The following NAV1 variants were observed in gnomAD, a reference collection of about 807,000 sequenced individuals.
NAV1 encodes the protein neuron navigator 1.
NAV1 carries 18 observed loss-of-function variants against 175.2 expected under a neutral mutation model. That is an observed-to-expected ratio of 0.10 (90% CI 0.07 to 0.15). The LOEUF (loss-of-function observed/expected upper bound fraction) is 0.15. NAV1 is among the 10% of genes least tolerant of loss of function. The pLI is 1.00. For synonymous variants in NAV1, 897 were observed against 978.7 expected (o/e 0.92, Z 1.56); for missense variants, 1,731 against 2,436.6 (o/e 0.71, Z 6.10).
chr1:201,819,797 G>A (rs749136198), intron 29 of NAV1, 40 bp from the exon 34 acceptor site: 1 of 1,574,938 alleles, frequency 6.3e-7, no homozygotes, highest in Non-Finnish European at 8.7e-7. Flanking sequence ...AGGACCCAGA[G>A]TCCCAACTCT....
chr1:201,803,789 T>C, intron 16 of NAV1, 75 bp downstream of exon 20: 1 of 1,552,890 alleles, frequency 6.4e-7, no homozygotes, highest in East Asian at 2.3e-5. Context: ...AGGGATCGAA[T>C]CCTTCCAGGA....
intron 1 of NAV1, among the ~76,000 whole-genome samples, chr1:201,702,278 G>A (rs1375583421): frequency 1.3e-5 from 2 of 152,204 alleles, no homozygotes; most frequent in African/African-American, 4.8e-5. Context: ...TTATTGGAAT[G>A]ATAAAAATAG....
At chr1:201,774,064 G>A (rs1302054257) in intron 3 of NAV1, among the ~76,000 whole-genome samples, 1 of 152,176 alleles carries the variant, frequency 6.6e-6, no homozygotes, top group African/African-American at 2.4e-5. Context: ...CAGGGTTATT[G>A]AGGTCTCTGC....
intron 1 of NAV1, among the ~76,000 whole-genome samples, chr1:201,625,551 C>T (rs755086535): frequency 6.6e-6 from 1 of 152,218 alleles, no homozygotes; most frequent in African/African-American, 2.4e-5. Context: ...GCTTCTTTTC[C>T]TAAGGGGCAA....
intron 1 of NAV1, among the ~76,000 whole-genome samples, chr1:201,627,135 C>T (rs1351749360): frequency 6.6e-5 from 10 of 152,150 alleles, no homozygotes; most frequent in African/African-American, 2.4e-4. Flanking sequence ...TGCTTTGTTC[C>T]CCAGGCTGGG....
chr1:201,610,619 G>A (rs962356411), intron 2 of NAV1, among the ~76,000 whole-genome samples: 5 of 152,324 alleles, frequency 3.3e-5, no homozygotes, highest in African/African-American at 7.2e-5. Flanking sequence ...GGTGCAGGAC[G>A]CCCTGTCTGG....
chr1:201,542,598 A>T (rs1192906881), intron 1 of NAV1, among the ~76,000 whole-genome samples: 2 of 151,942 alleles, frequency 1.3e-5, no homozygotes, highest in Non-Finnish European at 2.9e-5. Context: ...GCTTCCCAGC[A>T]TCCTGTGACT....
At chr1:201,799,008 C>T (rs1239156336) in intron 15 of NAV1, among the ~76,000 whole-genome samples, 1 of 151,658 alleles carries the variant, frequency 6.6e-6, no homozygotes, top group Non-Finnish European at 1.5e-5. Context: ...AGCCACTGTT[C>T]ATTTTCTTAG....
At chr1:201,664,316 C>T (rs1425590231) in intron 1 of NAV1, among the ~76,000 whole-genome samples, 1 of 152,090 alleles carries the variant, frequency 6.6e-6, no homozygotes, top group Non-Finnish European at 1.5e-5. Flanking sequence ...CACTCCAGCC[C>T]AGGGACAGAG....
chr1:201,783,972 A>G lies in NAV1; in HGVS notation c.2804+120A>G, dbSNP rs1354752661. ...TGACTTTTGACATTTTTTCACATAT[A>G]TTAAGTAATTTAATTTGCTTCACAA... On this transcript the variant is annotated intron_variant, in intron 7 of 29. Transcript: ENST00000367296. 1.4e-5 allele frequency: 12 copies of G among 875,332 alleles called. No homozygotes were observed. The Admixed American group carries it at 1.7e-4, about 12-fold the overall frequency. The allele number at this position is 875,332 out of a possible 1,614,324, so 54.2% of individuals were successfully genotyped here.
intron 1 of NAV1, among the ~76,000 whole-genome samples, chr1:201,544,682 C>T (rs1665617276): frequency 6.6e-6 from 1 of 152,192 alleles, no homozygotes; most frequent in Admixed American, 6.5e-5. Context: ...GCTTAGTGGG[C>T]TTCACCAAAA....
chr1:201,643,483 G>A (rs928796421), upstream of NAV1, among the ~76,000 whole-genome samples: 9 of 148,514 alleles, frequency 6.1e-5, no homozygotes, highest in African/African-American at 1.7e-4. Flanking sequence ...GCACAGTAGT[G>A]CAACCTCAGC....
At chr1:201,684,620 A>C (rs1670603314) in intron 1 of NAV1, among the ~76,000 whole-genome samples, 1 of 151,152 alleles carries the variant, frequency 6.6e-6, no homozygotes, top group African/African-American at 2.4e-5. Context: ...GATTACAGGC[A>C]TCTGCCACCA....
At chr1:201,564,385 C>T (rs191949902) in intron 1 of NAV1, among the ~76,000 whole-genome samples, 245 of 152,240 alleles carry the variant, frequency 1.6e-3, no homozygotes, top group African/African-American at 5.4e-3. Flanking sequence ...GAGGCCGAGG[C>T]GGGCAGATCA....
chr1:201,664,399 G>A (rs887400877), intron 1 of NAV1, among the ~76,000 whole-genome samples: 10 of 152,098 alleles, frequency 6.6e-5, no homozygotes, highest in Admixed American at 2.0e-4. Flanking sequence ...ATGAGATTCC[G>A]AGTCAATTAA....
chr1:201,625,929 A>C (rs1668317591), intron 1 of NAV1, among the ~76,000 whole-genome samples: 2 of 152,242 alleles, frequency 1.3e-5, no homozygotes, highest in African/African-American at 4.8e-5. Context: ...TTTGCATTTT[A>C]AACAGAAATG....
intron 13 of NAV1, 198 bp downstream of exon 17, chr1:201,790,964 C>T: frequency 1.7e-6 from 1 of 592,710 alleles, no homozygotes; most frequent in Non-Finnish European, 3.0e-6. Context: ...TTATGAAGAA[C>T]CATTTTGCTT....
intron 1 of NAV1, among the ~76,000 whole-genome samples, chr1:201,565,790 C>T (rs1557999519): frequency 6.6e-6 from 1 of 152,126 alleles, no homozygotes; most frequent in Non-Finnish European, 1.5e-5. Flanking sequence ...AGGTGGGACC[C>T]CAGGCCACAT....
chr1:201,685,553 A>C (rs1670653523), intron 1 of NAV1, among the ~76,000 whole-genome samples: 1 of 152,148 alleles, frequency 6.6e-6, no homozygotes, highest in African/African-American at 2.4e-5. Context: ...GGTTCCCTGA[A>C]CACCTGATAT....
Sources: gnomAD v4.1 joint callset for allele counts (sites outside exome capture counted in the v4.1 genomes callset) on GRCh38, gnomAD v4.1.1 for gene constraint, MANE v1.5 for transcripts, NCBI Gene and HGNC (gene_info 2026-07-23, HGNC 2026-07-21) for gene names.